The following CWC27 variants were observed in gnomAD, a reference collection of about 807,000 sequenced individuals.
CWC27 encodes CWC27 spliceosome associated cyclophilin.
Under a neutral mutation model 63.6 loss-of-function variants are expected in CWC27, and 47 were observed. The observed-to-expected ratio is 0.74, with a 90% CI of 0.58 to 0.94. The LOEUF (loss-of-function observed/expected upper bound fraction) is 0.94. Among genes scored for constraint, CWC27 ranks in the 40% least tolerant of loss-of-function variants. The pLI is 0.00. For synonymous variants in CWC27, 175 were observed against 179.8 expected (o/e 0.97, Z 0.22); for missense variants, 495 against 554.3 (o/e 0.89, Z 1.07).
chr5:64,910,973 G>A (rs1747774047), intron 11 of CWC27, among the ~76,000 whole-genome samples: 1 of 152,170 alleles, frequency 6.6e-6, no homozygotes, highest in Non-Finnish European at 1.5e-5. Context: ...TGTCCAACCA[G>A]TCCCAGTGAG....
intron 11 of CWC27, among the ~76,000 whole-genome samples, chr5:64,893,914 C>G (rs1002466773): frequency 4.1e-5 from 6 of 144,800 alleles, no homozygotes; most frequent in Non-Finnish European, 8.9e-5. Context: ...AAGGGATCAT[C>G]TGGGCCAATC....
chr5:64,872,424 A>ATCACTTAT (rs1403259533), intron 10 of CWC27, among the ~76,000 whole-genome samples: 1 of 152,192 alleles, frequency 6.6e-6, no homozygotes, highest in Non-Finnish European at 1.5e-5. Context: ...ATTCAAGAGG[A>ATCACTTAT]TCACTTATAT....
At chr5:64,854,650 T>G (rs1746209534) in intron 10 of CWC27, among the ~76,000 whole-genome samples, 1 of 152,230 alleles carries the variant, frequency 6.6e-6, no homozygotes, top group Non-Finnish European at 1.5e-5. Flanking sequence ...ATTAATACAG[T>G]CTATGTTCTG....
At chr5:64,851,663 T>A (rs1271700069) in intron 10 of CWC27, among the ~76,000 whole-genome samples, 1 of 152,124 alleles carries the variant, frequency 6.6e-6, no homozygotes, top group Non-Finnish European at 1.5e-5. Flanking sequence ...CTCCAAAAAT[T>A]TATACAATTA....
intron 13 of CWC27, among the ~76,000 whole-genome samples, chr5:64,977,541 A>T (rs1393644545): frequency 6.6e-6 from 1 of 152,220 alleles, no homozygotes; most frequent in African/African-American, 2.4e-5. Flanking sequence ...TATTGTGGAA[A>T]AGATGAGACT....
At chr5:64,835,869 ATCTCTTGTT>A (rs896157738) in intron 10 of CWC27, among the ~76,000 whole-genome samples, 3 of 151,850 alleles carry the variant, frequency 2.0e-5, no homozygotes, top group African/African-American at 7.2e-5. Context: ...TTGCTTCTAT[ATCTCTTGTT>A]TCTTTGTGAG....
intron 10 of CWC27, among the ~76,000 whole-genome samples, chr5:64,865,012 G>A (rs1196612751): frequency 6.6e-6 from 1 of 151,654 alleles, no homozygotes; most frequent in East Asian, 1.9e-4. Context: ...TTGAAATGTT[G>A]ATCAAAGAGA....
chr5:64,872,058 T>A (rs1746687423), intron 10 of CWC27, among the ~76,000 whole-genome samples: 2 of 152,098 alleles, frequency 1.3e-5, no homozygotes, highest in Admixed American at 1.3e-4. Context: ...GTATACTTGA[T>A]TATAGACCTA....
At chr5:64,819,936 A>C (rs1005340079) in intron 10 of CWC27, among the ~76,000 whole-genome samples, 1 of 152,204 alleles carries the variant, frequency 6.6e-6, no homozygotes, top group African/African-American at 2.4e-5. Context: ...CATGCAGTTT[A>C]AGGTCATTCA....
chr5:64,928,850 A>T (rs1436861825), intron 11 of CWC27, among the ~76,000 whole-genome samples: 1 of 152,222 alleles, frequency 6.6e-6, no homozygotes, highest in Non-Finnish European at 1.5e-5. Flanking sequence ...AGTTTGTTTC[A>T]AATAAGTAAT....
At chr5:64,800,874 G>A (rs896770318) in intron 8 of CWC27, among the ~76,000 whole-genome samples, 2 of 152,070 alleles carry the variant, frequency 1.3e-5, no homozygotes, top group Non-Finnish European at 2.9e-5. Flanking sequence ...ATCTCAAGGG[G>A]CACTACAATG....
At chr5:64,912,425 AC>A (rs1747809930) in intron 11 of CWC27, among the ~76,000 whole-genome samples, 1 of 152,228 alleles carries the variant, frequency 6.6e-6, no homozygotes, top group African/African-American at 2.4e-5. Flanking sequence ...AAATATGCTT[AC>A]TTTTTACAAG....
At chr5:64,868,791 T>A (rs887101060) in intron 10 of CWC27, among the ~76,000 whole-genome samples, 7 of 152,024 alleles carry the variant, frequency 4.6e-5, no homozygotes, top group Non-Finnish European at 5.9e-5. Context: ...TTTCCTCAGG[T>A]GTATTTTTTG....
At chr5:64,861,116 C>T (rs1746402336) in intron 10 of CWC27, among the ~76,000 whole-genome samples, 2 of 152,132 alleles carry the variant, frequency 1.3e-5, no homozygotes, top group Admixed American at 1.3e-4. Flanking sequence ...CCTGTTGGAC[C>T]AAATGCTTAG....
chr5:64,926,994 G>A (rs187897775), intron 11 of CWC27, among the ~76,000 whole-genome samples: 76 of 152,234 alleles, frequency 5.0e-4, no homozygotes, highest in African/African-American at 1.7e-3. Flanking sequence ...TTAAAATAAT[G>A]CATTTAATAG....
chr5:65,004,911 C>CATATACAT (rs1310255510), intron 13 of CWC27, among the ~76,000 whole-genome samples: 4 of 67,110 alleles, frequency 6.0e-5, no homozygotes, highest in Non-Finnish European at 1.1e-4. Context: ...TATATACATA[C>CATATACAT]ACACACACAC....
intron 10 of CWC27, among the ~76,000 whole-genome samples, chr5:64,856,468 A>ATGTG (rs10640210): frequency 0.027 from 3,988 of 149,486 alleles, 158 homozygotes; most frequent in African/African-American, 0.086. Context: ...GTGTGTGTGT[A>ATGTG]TGTGTGTGTG....
At chr5:64,852,478 C>CA (rs1554072659) in intron 10 of CWC27, among the ~76,000 whole-genome samples, 43 of 145,432 alleles carry the variant, frequency 3.0e-4, no homozygotes, top group African/African-American at 9.9e-4. Flanking sequence ...GGACGAAAAC[C>CA]TTTTTTTTTT....
chr5:64,851,311 T>A (rs995473203), intron 10 of CWC27, among the ~76,000 whole-genome samples: 4 of 151,946 alleles, frequency 2.6e-5, no homozygotes, highest in Non-Finnish European at 5.9e-5. Flanking sequence ...GAAAGACAAA[T>A]ACCCTGTGTT....
Sources: allele counts gnomAD v4.1 joint callset (sites outside exome capture counted in the v4.1 genomes callset), GRCh38; gene constraint gnomAD v4.1.1; transcripts MANE v1.5; gene names NCBI Gene and HGNC (gene_info 2026-07-23, HGNC 2026-07-21).